Variants in THAP4 observed in about 807,000 individuals in gnomAD.
THAP4 encodes the protein peroxynitrite isomerase THAP4.
In THAP4, 18 loss-of-function variants were observed where a neutral mutation model predicts 48.1. The observed-to-expected ratio is 0.37, with a 90% CI of 0.26 to 0.56. The LOEUF is 0.56. Among genes scored for constraint, THAP4 ranks in the 20% least tolerant of loss-of-function variants. THAP4 has a pLI of 0.78. For synonymous variants in THAP4, 345 were observed against 324.9 expected, an observed-to-expected ratio of 1.06 and a Z score of -0.66; for missense variants, 656 against 774.9, an observed-to-expected ratio of 0.85 and a Z score of 1.82.
In THAP4 at chr2:241,610,537, C is replaced by G. The variant is rs562120106; in HGVS notation, c.1241-4064G>C. Among the ~76,000 whole-genome samples, 1 of 152,300 alleles carries G rather than the reference C, an allele frequency of 6.6e-6. No individual in the cohort carries two copies. The highest frequency in any genetic ancestry group is 1.5e-5 in the Non-Finnish European group (1 of 68,010). On this transcript the variant is annotated intron_variant, in intron 2 of 5. Coordinates refer to ENST00000407315, the MANE Select transcript of THAP4 (RefSeq NM_015963.6). The surrounding 1 kb of genome is among the most constrained non-coding windows in gnomAD (Gnocchi z 4.2). ...GCAGAGGCGGGAGCCTCGCCAGCCC[C>G]TCCACAGACCACAGCGACCGCGCCC...
intron 5 of THAP4, among the ~76,000 whole-genome samples, chr2:241,595,055 C>G (rs1255288641): frequency 6.6e-6 from 1 of 152,098 alleles, no homozygotes; most frequent in Non-Finnish European, 1.5e-5. Flanking sequence ...GCTCGGTCGC[C>G]AGGCTGGAGT....
intron 2 of THAP4, among the ~76,000 whole-genome samples, chr2:241,631,065 A>G (rs2067553059): frequency 6.6e-6 from 1 of 152,190 alleles, no homozygotes; most frequent in Non-Finnish European, 1.5e-5. Context: ...CTCAAAAAAT[A>G]AAATAAAATT....
At chr2:241,617,750 G>C (rs931332957) in intron 2 of THAP4, among the ~76,000 whole-genome samples, 1 of 152,122 alleles carries the variant, frequency 6.6e-6, no homozygotes, top group Admixed American at 6.5e-5. Flanking sequence ...GCAGAGGAAG[G>C]CAACACCACA....
chr2:241,603,179 G>A (rs926743155), intron 3 of THAP4, 100 bp from the exon 4 acceptor site: 2 of 898,150 alleles, frequency 2.2e-6, no homozygotes, highest in Admixed American at 3.9e-5. Context: ...CCAGGTGGCT[G>A]CTCCAGCCAC....
chr2:241,628,973 G>A (rs1050518747), intron 2 of THAP4, among the ~76,000 whole-genome samples: 2 of 149,492 alleles, frequency 1.3e-5, no homozygotes, highest in African/African-American at 2.5e-5. Context: ...CCAAAAAGGA[G>A]GGGAAACTTG....
chr2:241,624,808 C>T (rs1274265129), intron 2 of THAP4, among the ~76,000 whole-genome samples: 1 of 152,126 alleles, frequency 6.6e-6, no homozygotes. Flanking sequence ...TGGGAGCCCC[C>T]CAAGAATCAC....
upstream of THAP4, chr2:241,637,182 G>GCCCGCC (rs1459562475): frequency 1.0e-4 from 99 of 964,984 alleles, no homozygotes; most frequent in Non-Finnish European, 1.2e-4. Flanking sequence ...CCCGCAGCGG[G>GCCCGCC]CCCGCCCCCG....
chr2:241,605,868 TCAC>T (rs1240376956), intron 3 of THAP4, among the ~76,000 whole-genome samples: 3 of 152,008 alleles, frequency 2.0e-5, no homozygotes, highest in African/African-American at 7.2e-5. Context: ...CAGGCATGTG[TCAC>T]CACACCTGGC....
chr2:241,611,223 T>C (rs1481813449), intron 2 of THAP4, among the ~76,000 whole-genome samples: 1 of 151,228 alleles, frequency 6.6e-6, no homozygotes, highest in Admixed American at 6.6e-5. Context: ...TGGGGCGGAG[T>C]GGGGAGCCCT....
chr2:241,636,952 G>T lies in THAP4; in HGVS notation c.66C>A (p.Val22=). Residue 22 remains valine, a synonymous_variant, in exon 1 of 6, where the codon GTC becomes GTA. Transcript: ENST00000407315. ...CGGGGCCCGCGTACCTGTGGAAGGA[G>T]ACGGCGCGCTTCTCGCCCTTTCCCT... The part of the protein sequence containing the change: ...NRQGKGEKRA[V]SFHRFPLKDS... 1 of 1,301,816 alleles carries T rather than the reference G, an allele frequency of 7.7e-7. No homozygotes were observed. Among genetic ancestry groups the T allele is most frequent in the Non-Finnish European group, 1.0e-6 (1 of 1,001,412 alleles). The allele number at this position is 1,301,816 out of a possible 1,614,324, so 80.6% of individuals were successfully genotyped here.
intron 2 of THAP4, among the ~76,000 whole-genome samples, chr2:241,630,415 T>A (rs1476982720): frequency 6.6e-6 from 1 of 152,090 alleles, no homozygotes; most frequent in Admixed American, 6.5e-5. Context: ...GGGCTGGCTG[T>A]TTGCAAAAAC....
At position 241,597,426 on chromosome 2, in the gene THAP4, G is replaced by A. The variant is rs143584879; in HGVS notation, c.1614+4470C>T. Among the ~76,000 whole-genome samples, 1,185 of 152,240 alleles carry A rather than the reference G, an allele frequency of 7.8e-3. 26 individuals carry two copies. Among genetic ancestry groups the A allele is most frequent in the African/African-American group, 0.027 (1,131 of 41,520 alleles). ...TGGGATTAGAGGTGTGAGCCACTGC[G>A]CCCAGCTGGAAAACTTCTTTATGCA... is the stretch of plus-strand genomic sequence containing the variant. On this transcript the variant is annotated intron_variant, in intron 5 of 5. Transcript: ENST00000407315.
At position 241,633,503 on chromosome 2, in the gene THAP4, C is replaced by A. The variant is rs1326242247; in HGVS notation, c.654G>T (p.Met218Ile). ...CAGATCCTGGGGGCGTAAAGTCATC[C>A]ATAGAAATGCCACTCTTATCTGTCA... ...GGVTDKSGIS[M>I]DDFTPPGSGA... Residue 218 changes from methionine to isoleucine, a missense_variant, in exon 2 of 6, where the codon ATG (methionine) becomes ATT (isoleucine). Met to Ile is a conservative substitution (Grantham distance 10). Transcript: ENST00000407315. The surrounding 1 kb of genome is among the most constrained non-coding windows in gnomAD (Gnocchi z 7.5). The A allele has an allele frequency of 6.2e-7, 1 of 1,614,004 alleles. No homozygotes were observed. The highest frequency in any genetic ancestry group is 1.1e-5 in the South Asian group (1 of 91,088).
chr2:241,598,972 G>C (rs1021262472), intron 5 of THAP4, among the ~76,000 whole-genome samples: 3 of 151,710 alleles, frequency 2.0e-5, no homozygotes, highest in Non-Finnish European at 4.4e-5. Context: ...AAGGCTATCC[G>C]GCTGGGCGCA....
intron 5 of THAP4, 51 bp from the exon 6 acceptor site, chr2:241,584,776 C>T (rs1262089555): frequency 6.2e-7 from 1 of 1,611,000 alleles, no homozygotes; most frequent in Non-Finnish European, 8.5e-7. Flanking sequence ...TCAAAAGATT[C>T]AATCAATGCC....
At chr2:241,608,747 T>C (rs868761638) in intron 2 of THAP4, among the ~76,000 whole-genome samples, 2 of 152,200 alleles carry the variant, frequency 1.3e-5, no homozygotes, top group South Asian at 4.1e-4. Flanking sequence ...GAGTGAATGA[T>C]GCAGAACTGA....
At chr2:241,611,095 C>T (rs1358170076) in intron 2 of THAP4, among the ~76,000 whole-genome samples, 1 of 152,202 alleles carries the variant, frequency 6.6e-6, no homozygotes, top group Non-Finnish European at 1.5e-5. Flanking sequence ...CACCAAAACA[C>T]ACATACGGAT....
In THAP4 at chr2:241,633,762, C is replaced by T. The variant is rs767653020; in HGVS notation, c.395G>A (p.Ser132Asn). 27 of 1,613,212 alleles carry T rather than the reference C, an allele frequency of 1.7e-5. No homozygotes were observed. The South Asian group carries it at 3.0e-4, about 18-fold the overall frequency. ...RGAAGWSPSS[S>N]GNPMAKPESR... ...CTCTGGCTTGGCCATCGGGTTTCCA[C>T]TCGAGGACGGTGACCAACCTGCAGC... Residue 132 changes from serine (S) to asparagine (N), a missense_variant, in exon 2 of 6, where the codon AGT becomes AAT. Transcript: ENST00000407315. The surrounding 1 kb of genome is among the most constrained non-coding windows in gnomAD (Gnocchi z 7.5).
chr2:241,634,866 A>T (rs1000578258), intron 1 of THAP4, among the ~76,000 whole-genome samples: 28 of 152,208 alleles, frequency 1.8e-4, no homozygotes, highest in African/African-American at 6.8e-4. Context: ...CCTTGAGGAC[A>T]TTATACTGAA....
Sources: gnomAD v4.1 joint callset for allele counts (sites outside exome capture counted in the v4.1 genomes callset) on GRCh38, gnomAD v4.1.1 for gene constraint, Gnocchi (gnomAD v3.1) non-coding constraint, MANE v1.5 for transcripts, NCBI Gene and HGNC (gene_info 2026-07-23, HGNC 2026-07-21) for gene names.